The following LRRC4C variants were observed in gnomAD, a reference collection of about 807,000 sequenced individuals.
The protein encoded by LRRC4C is leucine-rich repeat-containing protein 4C.
Under a neutral mutation model 33.6 loss-of-function variants are expected in LRRC4C, and 5 were observed. The ratio of observed to expected loss-of-function variants is 0.15; its 90% CI spans 0.08 to 0.31. The LOEUF (loss-of-function observed/expected upper bound fraction) is 0.31, where lower values mean the gene tolerates loss of function less well. Among genes scored for constraint, LRRC4C ranks in the 10% least tolerant of loss-of-function variants. LRRC4C has a pLI of 1.00. For missense variants in LRRC4C, 560 were observed against 796.7 expected (o/e 0.70, Z 3.58); for synonymous variants, 329 against 302.0 (o/e 1.09, Z -0.93).
intron 1 of LRRC4C, among the ~76,000 whole-genome samples, chr11:41,159,535 A>T (rs1015565696): frequency 2.0e-5 from 3 of 152,282 alleles, no homozygotes; most frequent in African/African-American, 7.2e-5. Flanking sequence ...CAGATTTTTT[A>T]AAATACCATA....
At chr11:41,209,951 A>T (rs775819686) in intron 1 of LRRC4C, among the ~76,000 whole-genome samples, 2 of 152,044 alleles carry the variant, frequency 1.3e-5, no homozygotes, top group African/African-American at 4.8e-5. Flanking sequence ...CTGTAGGGAG[A>T]CTAAGAGACA....
At chr11:40,588,992 T>C (rs1412276661) in intron 3 of LRRC4C, among the ~76,000 whole-genome samples, 1 of 152,084 alleles carries the variant, frequency 6.6e-6, no homozygotes, top group Non-Finnish European at 1.5e-5. Context: ...GTCTATTAGG[T>C]CTGCTTGGTG....
chr11:41,377,043 A>G (rs78810205), intron 1 of LRRC4C, among the ~76,000 whole-genome samples: 2,906 of 152,262 alleles, frequency 0.019, 91 homozygotes, highest in African/African-American at 0.067. Context: ...TTATTTTTGG[A>G]GCCATATGTC....
At chr11:40,430,116 C>A (rs1165245756) in intron 3 of LRRC4C, among the ~76,000 whole-genome samples, 3 of 152,110 alleles carry the variant, frequency 2.0e-5, no homozygotes, top group Non-Finnish European at 4.4e-5. Context: ...TCCAGCTGTG[C>A]TTTTATTGGG....
At chr11:40,564,650 T>G (rs1957681724) in intron 3 of LRRC4C, among the ~76,000 whole-genome samples, 1 of 152,204 alleles carries the variant, frequency 6.6e-6, no homozygotes, top group Non-Finnish European at 1.5e-5. Context: ...CATCACCTAC[T>G]GAGGGACTAA....
rs556659102 is a variant in LRRC4C at position 40,311,770 on chromosome 11, C to A, written c.-176+7858G>T. 2.0e-5 allele frequency among the ~76,000 whole-genome samples: 3 copies of A among 151,918 alleles called. No individual in the cohort carries two copies. In the South Asian group the frequency reaches 6.2e-4, roughly 32 times the overall value. ...GACCATCCTGGCCAACTTGGTGAAA[C>A]CCTGTCTCTACTGAAAATACAAAAA... On this transcript the variant is annotated intron_variant, in intron 4 of 6. Coordinates refer to ENST00000528697, the MANE Select transcript of LRRC4C (RefSeq NM_001258419.2).
chr11:40,174,154 G>C (rs1490494216), intron 5 of LRRC4C, among the ~76,000 whole-genome samples: 2 of 152,156 alleles, frequency 1.3e-5, no homozygotes. Context: ...CATTAAAAAT[G>C]AAATACATGC....
At chr11:41,154,669 CTG>C (rs773055660) in intron 1 of LRRC4C, among the ~76,000 whole-genome samples, 109 of 152,222 alleles carry the variant, frequency 7.2e-4, no homozygotes, top group Non-Finnish European at 1.4e-3. Flanking sequence ...ACATTAAAAA[CTG>C]TATGCATTAC....
intron 1 of LRRC4C, among the ~76,000 whole-genome samples, chr11:41,174,288 TTATCTC>T (rs1945102633): frequency 6.6e-6 from 1 of 152,056 alleles, no homozygotes; most frequent in African/African-American, 2.4e-5. Context: ...AGAGAACAGT[TTATCTC>T]TAGCTAAAAT....
At chr11:40,286,671 T>C (rs188184340) in intron 4 of LRRC4C, among the ~76,000 whole-genome samples, 9 of 152,302 alleles carry the variant, frequency 5.9e-5, no homozygotes, top group Non-Finnish European at 1.0e-4. Flanking sequence ...CTAGCAATTA[T>C]TGAGTGCCAG....
In LRRC4C at chr11:40,518,766, T is replaced by C. The variant is rs977726814; in HGVS notation, c.-270+129376A>G. ...CATTACTGGGTATATACCCAAAGGA[T>C]TATAAATCATTCTGCTATAAAGACA... On this transcript the variant is annotated intron_variant, in intron 3 of 6. Coordinates refer to ENST00000528697, the MANE Select transcript of LRRC4C (RefSeq NM_001258419.2). Among the ~76,000 whole-genome samples the C allele has an allele frequency of 8.0e-5, 12 of 149,818 alleles. No individual in the cohort carries two copies. In the Middle Eastern group the frequency reaches 0.01, roughly 128 times the overall value.
At chr11:40,302,410 G>A (rs1590245537) in intron 4 of LRRC4C, among the ~76,000 whole-genome samples, 1 of 152,056 alleles carries the variant, frequency 6.6e-6, no homozygotes, top group African/African-American at 2.4e-5. Flanking sequence ...CATTAAAAAG[G>A]CCACAGGGAT....
intron 3 of LRRC4C, among the ~76,000 whole-genome samples, chr11:40,469,985 G>A (rs893032509): frequency 3.9e-5 from 6 of 152,322 alleles, no homozygotes; most frequent in Admixed American, 2.6e-4. Context: ...ATTGCCTGTT[G>A]GCTCTGAAGA....
At chr11:40,849,781 C>G (rs1271640555) in intron 2 of LRRC4C, among the ~76,000 whole-genome samples, 1 of 152,026 alleles carries the variant, frequency 6.6e-6, no homozygotes, top group Admixed American at 6.6e-5. Flanking sequence ...ACCAATCAAA[C>G]ATAGGTTTGA....
chr11:40,451,487 GTA>G (rs1951885064), intron 3 of LRRC4C, among the ~76,000 whole-genome samples: 1 of 136,554 alleles, frequency 7.3e-6, no homozygotes, highest in Non-Finnish European at 1.5e-5. Context: ...CTGGGTTCAA[GTA>G]ATTCTCCTGC....
intron 3 of LRRC4C, among the ~76,000 whole-genome samples, chr11:40,330,083 C>T (rs538467487): frequency 1.3e-3 from 202 of 152,206 alleles, no homozygotes; most frequent in African/African-American, 4.1e-3. Flanking sequence ...TCTCAGAATC[C>T]AATGAGTCAT....
intron 2 of LRRC4C, among the ~76,000 whole-genome samples, chr11:40,732,218 T>C (rs1947623143): frequency 6.6e-6 from 1 of 152,096 alleles, no homozygotes; most frequent in South Asian, 2.1e-4. Flanking sequence ...GAAAAAAAAG[T>C]ATGGCCCTCA....
At chr11:40,295,861 T>G (rs1284061340) in intron 4 of LRRC4C, among the ~76,000 whole-genome samples, 1 of 152,206 alleles carries the variant, frequency 6.6e-6, no homozygotes, top group Admixed American at 6.5e-5. Flanking sequence ...CAGTTGACTT[T>G]AATTTGTGTT....
At chr11:40,736,267 G>T (rs1290646312) in intron 2 of LRRC4C, among the ~76,000 whole-genome samples, 1 of 151,832 alleles carries the variant, frequency 6.6e-6, no homozygotes, top group Non-Finnish European at 1.5e-5. Context: ...TGCAGTGTTT[G>T]GTTTTCTGTT....
Sources: allele counts gnomAD v4.1 joint callset (sites outside exome capture counted in the v4.1 genomes callset), GRCh38; gene constraint gnomAD v4.1.1; transcripts MANE v1.5; gene names NCBI Gene and HGNC (gene_info 2026-07-23, HGNC 2026-07-21).